Variants in FAM91A1 observed in about 807,000 individuals in gnomAD.
FAM91A1 encodes protein FAM91A1.
In FAM91A1, 41 loss-of-function variants were observed where a neutral mutation model predicts 113.5. The observed-to-expected ratio is 0.36, with a 90% confidence interval of 0.28 to 0.47. The LOEUF (loss-of-function observed/expected upper bound fraction) is 0.47, where lower values mean the gene tolerates loss of function less well. Ranked by LOEUF, FAM91A1 falls within the 20% of genes least tolerant of loss-of-function variation. The pLI, the probability that FAM91A1 is intolerant of heterozygous loss-of-function variation, is 1.00. For missense variants in FAM91A1, 696 were observed against 1,001.2 expected, an observed-to-expected ratio of 0.70 and a Z score of 4.11; for synonymous variants, 307 against 347.9, an observed-to-expected ratio of 0.88 and a Z score of 1.31.
In FAM91A1 at chr8:123,806,155, G is replaced by A; in HGVS notation, c.1958G>A (p.Cys653Tyr). The A allele has an allele frequency of 6.2e-7, 1 of 1,613,584 alleles. No individual in the cohort carries two copies. The highest frequency in any genetic ancestry group is 8.5e-7 in the Non-Finnish European group (1 of 1,179,642). The change falls in exon 20 of 24, where the codon TGT (cysteine) becomes TAT (tyrosine). Residue 653 changes from cysteine to tyrosine, a missense_variant. Transcript: ENST00000334705. ...AACAGAGTGGACTTACAGCATCTCTGTGGATATGTCACCATGTTGAATGCT... is the reference window on the plus strand; with the variant it reads ...AACAGAGTGGACTTACAGCATCTCTATGGATATGTCACCATGTTGAATGCT... ...LRNRVDLQHL[C>Y]GYVTMLNASS...
At chr8:123,771,232 G>C (rs909865224) in intron 1 of FAM91A1, among the ~76,000 whole-genome samples, 1 of 152,090 alleles carries the variant, frequency 6.6e-6, no homozygotes, top group Non-Finnish European at 1.5e-5. Flanking sequence ...TGCATTTTGT[G>C]GTTACAATAC....
At chr8:123,796,283 T>C (rs1026985984) in intron 15 of FAM91A1, among the ~76,000 whole-genome samples, 3 of 152,158 alleles carry the variant, frequency 2.0e-5, no homozygotes, top group Admixed American at 2.0e-4. Flanking sequence ...ATTACACCAC[T>C]GAAGATACCA....
At chr8:123,773,488 A>G (rs1323698218) in intron 1 of FAM91A1, among the ~76,000 whole-genome samples, 1 of 152,260 alleles carries the variant, frequency 6.6e-6, no homozygotes, top group Non-Finnish European at 1.5e-5. Context: ...TGCATACTAG[A>G]AAGACTTTAG....
chr8:123,768,714 C>G lies in FAM91A1; in HGVS notation c.12C>G (p.Asp4Glu). The G allele has an allele frequency of 6.2e-7, 1 of 1,608,030 alleles. No individual in the cohort carries two copies. The highest frequency in any genetic ancestry group is 1.1e-5 in the South Asian group (1 of 90,196). The change falls in exon 1 of 24, where the codon GAC (aspartate) becomes GAG (glutamate). Residue 4 changes from aspartate (D) to glutamate (E), a missense_variant. Transcript: ENST00000334705. ...CTGGCCGCGGCATCATGAACATAGA[C>G]GTGGAGTTCCACATCCGGCACAACT... MNI[D>E]VEFHIRHNYP...
rs746621608 is a variant in FAM91A1 at position 123,780,499 on chromosome 8, T to G, written c.660T>G (p.Phe220Leu). The change falls in exon 8 of 24, where the codon TTT becomes TTG. Residue 220 changes from phenylalanine to leucine, a missense_variant. Phe to Leu is a conservative substitution (Grantham distance 22). Coordinates refer to ENST00000334705, the MANE Select transcript of FAM91A1 (RefSeq NM_144963.4). ...NVVHSLYNKG[F>L]IYLDVPISDD... is the part of the protein sequence containing the mutation. ...CTTCAGGTTTGTATAACAAAGGATT[T>G]ATTTATCTGGATGTACCAATATCTG... The G allele has an allele frequency of 1.2e-5, 19 of 1,612,010 alleles. No homozygotes were observed. The highest frequency in any genetic ancestry group is 1.6e-5 in the Non-Finnish European group (19 of 1,179,198).
chr8:123,769,222 T>C, intron 1 of FAM91A1, among the ~76,000 whole-genome samples: 1 of 152,274 alleles, frequency 6.6e-6, no homozygotes, highest in South Asian at 2.1e-4. Flanking sequence ...GGAAGGATTT[T>C]TAAGGCAGGC....
At chr8:123,799,388 C>A in intron 16 of FAM91A1, 132 bp from the exon 17 acceptor site, 1 of 769,332 alleles carries the variant, frequency 1.3e-6, no homozygotes. Context: ...TTTAATGAAA[C>A]ATTTAAAGTT....
intron 23 of FAM91A1, 123 bp from the exon 24 acceptor site, chr8:123,812,396 C>CCG: frequency 1.6e-6 from 1 of 626,940 alleles, no homozygotes. Context: ...CTTTGCATCT[C>CCG]CTGTACTGCT....
intron 1 of FAM91A1, 120 bp downstream of exon 1, chr8:123,768,894 C>A: frequency 9.6e-7 from 1 of 1,036,694 alleles, no homozygotes; most frequent in Admixed American, 2.1e-5. Context: ...CTTTACTCCT[C>A]CGTGGTCTTG....
At chr8:123,799,707 A>C in intron 17 of FAM91A1, 53 bp downstream of exon 17, 1 of 1,606,966 alleles carries the variant, frequency 6.2e-7, no homozygotes, top group Non-Finnish European at 8.5e-7. Context: ...GCAGTATGCT[A>C]GATAATTTCT....
intron 22 of FAM91A1, among the ~76,000 whole-genome samples, chr8:123,809,786 A>G (rs920714444): frequency 6.6e-6 from 1 of 152,228 alleles, no homozygotes; most frequent in Non-Finnish European, 1.5e-5. Flanking sequence ...AAAGTAATAT[A>G]CATGAGTAAA....
intron 15 of FAM91A1, among the ~76,000 whole-genome samples, chr8:123,797,556 G>A (rs1198527151): frequency 1.3e-5 from 2 of 152,080 alleles, no homozygotes; most frequent in East Asian, 3.8e-4. Flanking sequence ...CCACTTAATA[G>A]TAATATATTT....
Position 123,777,969 on chromosome 8 carries a change from A to G in FAM91A1, c.368-56A>G, listed in dbSNP as rs932890743. 12 of 1,446,170 alleles carry G rather than the reference A, an allele frequency of 8.3e-6. No individual in the cohort carries two copies. The African/African-American group carries it at 1.3e-4, about 15-fold the overall frequency. 89.6% of individuals were successfully genotyped at this position (1,446,170 alleles called of 1,614,324 possible). ...GTTTTTCCTACAATCGCTTGTGAAC[A>G]TATTGAGATTTCAAGATATGTTAAA... On this transcript the variant is annotated intron_variant, in intron 4 of 23. Coordinates refer to ENST00000334705, the MANE Select transcript of FAM91A1 (RefSeq NM_144963.4).
At chr8:123,780,408 G>A in intron 7 of FAM91A1, 72 bp from the exon 8 acceptor site, 2 of 1,129,670 alleles carry the variant, frequency 1.8e-6, no homozygotes, top group Non-Finnish European at 1.3e-6. Flanking sequence ...CAGAAAGCCA[G>A]GAATTAGTTT....
intron 14 of FAM91A1, 136 bp from the exon 15 acceptor site, chr8:123,789,477 C>A: frequency 8.1e-7 from 1 of 1,227,568 alleles, no homozygotes; most frequent in Non-Finnish European, 1.1e-6. Flanking sequence ...AGGTTAATAA[C>A]TTGTTTCGGT....
In FAM91A1 at chr8:123,812,795, G is replaced by C. The variant is rs117426894; in HGVS notation, c.*91G>C. 5,788 of 1,070,746 alleles carry C rather than the reference G, an allele frequency of 5.4e-3. 29 individuals carry two copies. Among genetic ancestry groups the C allele is most frequent in the Middle Eastern group, 8.0e-3 (27 of 3,362 alleles). The allele number at this position is 1,070,746 out of a possible 1,614,324, so 66.3% of individuals were successfully genotyped here. ...GTCAGCCACTAAAAAGCATCCTGCT[G>C]CTGCAGTGCAATTCTTGCTTAACTA... On this transcript the variant is annotated 3_prime_UTR_variant, in exon 24 of 24. Transcript: ENST00000334705.
intron 11 of FAM91A1, 158 bp downstream of exon 11, chr8:123,785,899 C>T (rs1415982534): frequency 4.0e-6 from 2 of 498,872 alleles, no homozygotes; most frequent in African/African-American, 4.0e-5. Context: ...CTCACTGCAA[C>T]CTCCACCTCC....
Position 123,808,321 on chromosome 8 carries a change from A to G in FAM91A1, c.2082A>G (p.Ser694=). 2 of 1,613,568 alleles carry G rather than the reference A, an allele frequency of 1.2e-6. No individual in the cohort carries two copies. The highest frequency in any genetic ancestry group is 1.7e-6 in the Non-Finnish European group (2 of 1,179,694). Residue 694 remains serine (S), a synonymous_variant, in exon 21 of 24, where the codon TCA becomes TCG. Coordinates refer to ENST00000334705, the MANE Select transcript of FAM91A1 (RefSeq NM_144963.4). ...CAGATGTAAATGGGAGTACAGAGTC[A>G]TTTGAAATGGTCATTGAGGAAGCAA... ...SGSDVNGSTE[S]FEMVIEEATI...
At position 123,815,363 on chromosome 8, in the gene FAM91A1, A is replaced by G. The variant is rs75953270; in HGVS notation, c.*2659A>G. ...TCTGTTAGGATGTTAATATTATACA[A>G]TGAAATCTATAAAGTGTTGTCAATT... On this transcript the variant is annotated 3_prime_UTR_variant, in exon 24 of 24. Transcript: ENST00000334705. The G allele has an allele frequency of 2.6e-5, 4 of 152,704 alleles. No individual in the cohort carries two copies. In the East Asian group the frequency reaches 7.7e-4, roughly 29 times the overall value. 9.5% of individuals were successfully genotyped at this position (152,704 alleles called of 1,614,324 possible). A position where few individuals can be genotyped will look rare whatever the true frequency, so the allele number is the denominator to read the frequency against.
Sources: allele counts gnomAD v4.1 joint callset (sites outside exome capture counted in the v4.1 genomes callset), GRCh38; gene constraint gnomAD v4.1.1; transcripts MANE v1.5; gene names NCBI Gene and HGNC (gene_info 2026-07-23, HGNC 2026-07-21).